Variants in OTUD3 observed in about 807,000 individuals in gnomAD.
The protein encoded by OTUD3 is OTU domain-containing protein 3.
In OTUD3, 24 loss-of-function variants were observed where a neutral mutation model predicts 46.2. The ratio of observed to expected loss-of-function variants is 0.52; its 90% CI spans 0.38 to 0.73. OTUD3 has a LOEUF of 0.73. Ranked by LOEUF, OTUD3 falls within the 30% of genes least tolerant of loss-of-function variation. OTUD3 has a pLI of 0.00. For synonymous variants in OTUD3, 189 were observed against 195.4 expected, an observed-to-expected ratio of 0.97 and a Z score of 0.27; for missense variants, 455 against 523.3, an observed-to-expected ratio of 0.87 and a Z score of 1.27.
rs1018671567 is a variant in OTUD3 at position 19,894,365 on chromosome 1, C to G, written c.371-3C>G. 2.6e-6 allele frequency: 4 copies of G among 1,565,226 alleles called. No homozygotes were observed. Among genetic ancestry groups the G allele is most frequent in the Non-Finnish European group, 3.5e-6 (4 of 1,144,734 alleles). Reference sequence around the variant, plus strand: ...GTCATTTTTCTTTCCTATTTCCATGCAGTGGCCAGTTTGGCAAAGCCTGGT... The same window carrying G: ...GTCATTTTTCTTTCCTATTTCCATGGAGTGGCCAGTTTGGCAAAGCCTGGT... On this transcript the variant is annotated splice_polypyrimidine_tract_variant and splice_region_variant and intron_variant, in intron 2 of 7. Transcript: ENST00000375120.
rs1414992755 is a variant in OTUD3 at position 19,907,680 on chromosome 1, C to T, written c.1131C>T (p.Asn377=). ...LESRGSHRDN[N]RSEAEANTQV... ...GCAGAGGTAGCCACAGGGACAATAA[C>T]AGAAGCGAAGCAGAGGCGAACACGC... Residue 377 remains asparagine, a synonymous_variant, in exon 8 of 8, where the codon AAC becomes AAT. Transcript: ENST00000375120. The T allele has an allele frequency of 6.2e-7, 1 of 1,614,206 alleles. No individual in the cohort carries two copies. The highest frequency in any genetic ancestry group is 2.2e-5 in the East Asian group (1 of 44,880).
intron 1 of OTUD3, 83 bp downstream of exon 1, chr1:19,882,817 C>T (rs1327365420): frequency 1.7e-6 from 2 of 1,191,540 alleles, no homozygotes; most frequent in African/African-American, 3.2e-5. Flanking sequence ...TCGCGTCCAT[C>T]CATCCATTCA....
Position 19,897,647 on chromosome 1 carries a change from A to C in OTUD3, c.591A>C (p.Ala197=), listed in dbSNP as rs201099048. 3.9e-4 allele frequency: 623 copies of C among 1,613,534 alleles called. No homozygotes were observed. Among genetic ancestry groups the C allele is most frequent in the Middle Eastern group, 3.3e-3 (20 of 6,058 alleles). Residue 197 remains alanine (A), a synonymous_variant, in exon 4 of 8, where the codon GCA becomes GCC. Coordinates refer to ENST00000375120, the MANE Select transcript of OTUD3 (RefSeq NM_015207.2). ...RRINDNSEAP[A]HLQTDFQMLH... is the part of the protein sequence containing the mutation. ...TCAATGACAACTCAGAGGCACCTGC[A>C]CATCTCCAGACGGATGTGAGTGAGG...
intron 1 of OTUD3, among the ~76,000 whole-genome samples, chr1:19,884,990 A>T (rs1056127193): frequency 2.6e-5 from 4 of 152,216 alleles, no homozygotes; most frequent in Admixed American, 1.3e-4. Flanking sequence ...ACACTGCTAG[A>T]TGCCTCTCAG....
rs549305044 is a variant in OTUD3, at chr1:19,896,401, G to A, written c.484-1139G>A. On this transcript the variant is annotated intron_variant, in intron 3 of 7. Coordinates refer to ENST00000375120, the MANE Select transcript of OTUD3 (RefSeq NM_015207.2). ...TATATATATTATTATTATTAGGTAT[G>A]TAAGTGCTTTAGGGATTATGTCAAA... 3.9e-5 allele frequency among the ~76,000 whole-genome samples: 6 copies of A among 151,958 alleles called. No individual in the cohort carries two copies. In the South Asian group the frequency reaches 1.2e-3, roughly 32 times the overall value.
rs2045750127 is a variant in OTUD3 at position 19,912,878 on chromosome 1, G to A, written c.*5132G>A. ...TTCGATACTTGGTGCAATAGAAGCTGCAAAGATGTGCCACTTTATCTATGA... is the reference window on the plus strand; with the variant it reads ...TTCGATACTTGGTGCAATAGAAGCTACAAAGATGTGCCACTTTATCTATGA... On this transcript the variant is annotated 3_prime_UTR_variant, in exon 8 of 8. Coordinates refer to ENST00000375120, the MANE Select transcript of OTUD3 (RefSeq NM_015207.2). 1 of 152,314 alleles carries A rather than the reference G, an allele frequency of 6.6e-6. No individual in the cohort carries two copies. Among genetic ancestry groups the A allele is most frequent in the Non-Finnish European group, 1.5e-5 (1 of 68,034 alleles). 9.4% of individuals were successfully genotyped at this position (152,314 alleles called of 1,614,324 possible). A position where few individuals can be genotyped will look rare whatever the true frequency, so the allele number is the denominator to read the frequency against.
At chr1:19,906,259 C>T (rs2045659750) in intron 6 of OTUD3, among the ~76,000 whole-genome samples, 173 bp from the exon 7 acceptor site, 1 of 152,204 alleles carries the variant, frequency 6.6e-6, no homozygotes, top group Admixed American at 6.5e-5. Flanking sequence ...CCAACTTTTA[C>T]CAACTTTTTC....
chr1:19,907,138 T>C (rs1174221949), intron 7 of OTUD3, among the ~76,000 whole-genome samples: 2 of 152,230 alleles, frequency 1.3e-5, no homozygotes, highest in African/African-American at 4.8e-5. Context: ...TCTTCCATTT[T>C]ACTGAATTTG....
chr1:19,883,043 A>T (rs982624159), intron 1 of OTUD3, among the ~76,000 whole-genome samples: 6 of 152,232 alleles, frequency 3.9e-5, no homozygotes, highest in African/African-American at 1.2e-4. Context: ...GCTCTCTCAA[A>T]GGTGACATTT....
intron 1 of OTUD3, among the ~76,000 whole-genome samples, chr1:19,886,667 T>G (rs183839463): frequency 1.3e-5 from 2 of 152,340 alleles, no homozygotes; most frequent in East Asian, 3.9e-4. Context: ...GAGTGACTGA[T>G]TTAGAGTCTA....
chr1:19,898,764 C>CT (rs1480172044), intron 4 of OTUD3, among the ~76,000 whole-genome samples: 1 of 151,874 alleles, frequency 6.6e-6, no homozygotes, highest in Non-Finnish European at 1.5e-5. Context: ...TTGCATAAAC[C>CT]TTTTTTTCCT....
intron 4 of OTUD3, among the ~76,000 whole-genome samples, chr1:19,901,928 T>C (rs2045595057): frequency 6.6e-6 from 1 of 152,266 alleles, no homozygotes. Context: ...AATGAGCATT[T>C]AGGTTGTTCC....
intron 2 of OTUD3, among the ~76,000 whole-genome samples, chr1:19,893,335 C>T (rs1037406984): frequency 9.2e-5 from 14 of 152,096 alleles, no homozygotes; most frequent in African/African-American, 2.4e-4. Context: ...CTAACAGTTA[C>T]GGTTTGTTAC....
chr1:19,901,683 C>G (rs1571178851), intron 4 of OTUD3, among the ~76,000 whole-genome samples: 1 of 152,282 alleles, frequency 6.6e-6, no homozygotes, highest in East Asian at 1.9e-4. Context: ...ACTCCCAATT[C>G]CCCCTCTCCC....
intron 1 of OTUD3, among the ~76,000 whole-genome samples, chr1:19,886,968 A>G (rs934457607): frequency 2.0e-5 from 3 of 152,404 alleles, no homozygotes; most frequent in Non-Finnish European, 1.5e-5. Flanking sequence ...ATTAAAAAGA[A>G]ACAGGTGAAA....
At position 19,906,520 on chromosome 1, in the gene OTUD3, T is replaced by G. The variant is rs763859266; in HGVS notation, c.924T>G (p.Phe308Leu). ...AGGGTGGCAGTGGTGCCAGAATCTT[T>G]GGAAATCAGGGCTTAAATGAAGGCA... Reference protein sequence around the residue: ...WEEGGSGARIFGNQGLNEGRT... With the variant: ...WEEGGSGARILGNQGLNEGRT... Residue 308 changes from phenylalanine to leucine, a missense_variant, in exon 7 of 8, where the codon TTT (phenylalanine) becomes TTG (leucine). Transcript: ENST00000375120. 1.7e-5 allele frequency: 28 copies of G among 1,613,970 alleles called. No individual in the cohort carries two copies. In the South Asian group the frequency reaches 3.1e-4, roughly 18 times the overall value.
intron 1 of OTUD3, 93 bp from the exon 2 acceptor site, chr1:19,890,292 T>G: frequency 6.2e-6 from 8 of 1,300,588 alleles, no homozygotes. Context: ...GTGCACAAAA[T>G]ATTTCCATGG....
intron 4 of OTUD3, among the ~76,000 whole-genome samples, chr1:19,898,006 G>T (rs2100290617): frequency 6.6e-6 from 1 of 150,692 alleles, no homozygotes; most frequent in South Asian, 2.1e-4. Flanking sequence ...CTGGAGTGCA[G>T]TGGTGCGATC....
Position 19,912,876 on chromosome 1 carries a change from C to T in OTUD3, c.*5130C>T, listed in dbSNP as rs1028877685. ...TCTTCGATACTTGGTGCAATAGAAGCTGCAAAGATGTGCCACTTTATCTAT... is the reference window on the plus strand; with the variant it reads ...TCTTCGATACTTGGTGCAATAGAAGTTGCAAAGATGTGCCACTTTATCTAT... On this transcript the variant is annotated 3_prime_UTR_variant, in exon 8 of 8. Transcript: ENST00000375120. 2 of 152,354 alleles carry T rather than the reference C, an allele frequency of 1.3e-5. No homozygotes were observed. The highest frequency in any genetic ancestry group is 4.8e-5 in the African/African-American group (2 of 41,444). The allele number at this position is 152,354 out of a possible 1,614,324, so 9.4% of individuals were successfully genotyped here. A position where few individuals can be genotyped will look rare whatever the true frequency, so the allele number is the denominator to read the frequency against.
Sources: gnomAD v4.1 joint callset for allele counts (sites outside exome capture counted in the v4.1 genomes callset) on GRCh38, gnomAD v4.1.1 for gene constraint, MANE v1.5 for transcripts, NCBI Gene and HGNC (gene_info 2026-07-23, HGNC 2026-07-21) for gene names.